The following TBC1D22A variants were observed in gnomAD, a reference collection of about 807,000 sequenced individuals.
TBC1D22A encodes the protein putative GTPase activator.
In TBC1D22A, 38 loss-of-function variants were observed where a neutral mutation model predicts 60.2. The ratio of observed to expected loss-of-function variants is 0.63; its 90% CI spans 0.49 to 0.83. The LOEUF (loss-of-function observed/expected upper bound fraction) is 0.83. TBC1D22A is among the 40% of genes least tolerant of loss of function. The pLI, the probability that TBC1D22A is intolerant of heterozygous loss-of-function variation, is 0.00. For synonymous variants in TBC1D22A, 302 were observed against 281.7 expected (o/e 1.07, Z -0.72); for missense variants, 628 against 701.0 (o/e 0.90, Z 1.18).
intron 11 of TBC1D22A, among the ~76,000 whole-genome samples, chr22:47,084,757 T>C (rs2064609781): frequency 2.0e-5 from 3 of 152,146 alleles, no homozygotes; most frequent in Admixed American, 2.0e-4. Flanking sequence ...CTTATCTTTA[T>C]CTAAAATTCA....
intron 12 of TBC1D22A, among the ~76,000 whole-genome samples, chr22:47,124,553 G>A (rs150215634): frequency 8.5e-5 from 13 of 152,338 alleles, no homozygotes; most frequent in Admixed American, 2.0e-4. Flanking sequence ...CTCTGTGCAC[G>A]TCATTTTCGG....
intron 12 of TBC1D22A, among the ~76,000 whole-genome samples, chr22:47,121,558 A>G (rs917565574): frequency 3.9e-5 from 6 of 152,234 alleles, no homozygotes; most frequent in African/African-American, 1.4e-4. Context: ...CTGAAATTGT[A>G]TATATCGACA....
chr22:47,098,562 C>T (rs771362282), intron 11 of TBC1D22A, among the ~76,000 whole-genome samples: 12 of 152,134 alleles, frequency 7.9e-5, no homozygotes, highest in Admixed American at 1.3e-4. Flanking sequence ...GGCATCCCCC[C>T]GACTCCATGT....
rs370319262 is a variant in TBC1D22A, at chr22:46,883,268, G to A, written c.708+4545G>A. 5.3e-5 allele frequency among the ~76,000 whole-genome samples: 8 copies of A among 152,280 alleles called. No individual in the cohort carries two copies. In the South Asian group the frequency reaches 1.7e-3, roughly 32 times the overall value. On this transcript the variant is annotated intron_variant, in intron 5 of 12. Coordinates refer to ENST00000337137, the MANE Select transcript of TBC1D22A (RefSeq NM_014346.5). ...AGTGGGAGGGAACAATTTGATTTTT[G>A]TGTCACCGGGACAATTTAGATATAA...
chr22:46,792,397 C>A, intron 1 of TBC1D22A, 123 bp from the exon 2 acceptor site: 2 of 1,354,976 alleles, frequency 1.5e-6, no homozygotes, highest in Non-Finnish European at 2.1e-6. Context: ...CTGCGACAGC[C>A]CATGAGGAGC....
chr22:46,806,930 G>T (rs2085168518), intron 4 of TBC1D22A, among the ~76,000 whole-genome samples: 1 of 152,246 alleles, frequency 6.6e-6, no homozygotes, highest in Non-Finnish European at 1.5e-5. Flanking sequence ...TCTTCACAGG[G>T]CTGGCCGAGC....
At chr22:47,140,068 C>T (rs1381616134) in intron 12 of TBC1D22A, among the ~76,000 whole-genome samples, 2 of 152,312 alleles carry the variant, frequency 1.3e-5, no homozygotes, top group African/African-American at 4.8e-5. Flanking sequence ...ACTGGTGACA[C>T]CCACAGTGAA....
intron 11 of TBC1D22A, among the ~76,000 whole-genome samples, chr22:47,042,861 C>T (rs1745794789): frequency 6.6e-6 from 1 of 152,254 alleles, no homozygotes; most frequent in African/African-American, 2.4e-5. Flanking sequence ...ATTTTATTTT[C>T]TTCAGCATGG....
chr22:47,007,702 T>C (rs6008019), intron 10 of TBC1D22A, among the ~76,000 whole-genome samples: 5 of 148,626 alleles, frequency 3.4e-5, no homozygotes, highest in Admixed American at 6.7e-5. Context: ...GTAGCGGTGG[T>C]GGGGAGGGGT....
At chr22:47,002,181 A>C (rs1338858457) in intron 10 of TBC1D22A, among the ~76,000 whole-genome samples, 1 of 152,278 alleles carries the variant, frequency 6.6e-6, no homozygotes, top group Non-Finnish European at 1.5e-5. Context: ...GCACACGATG[A>C]GATTTCCACT....
At chr22:47,099,907 A>C (rs1034915802) in intron 11 of TBC1D22A, among the ~76,000 whole-genome samples, 1 of 152,094 alleles carries the variant, frequency 6.6e-6, no homozygotes, top group African/African-American at 2.4e-5. Context: ...TGACCTTCAG[A>C]GCCCTTCCAG....
At chr22:46,901,458 G>C (rs1470156346) in intron 7 of TBC1D22A, among the ~76,000 whole-genome samples, 3 of 152,220 alleles carry the variant, frequency 2.0e-5, no homozygotes, top group Non-Finnish European at 4.4e-5. Flanking sequence ...TAAGACACCT[G>C]ACGTGGGCAC....
intron 8 of TBC1D22A, among the ~76,000 whole-genome samples, chr22:46,916,925 C>T (rs1466004989): frequency 1.3e-5 from 2 of 152,170 alleles, no homozygotes; most frequent in Non-Finnish European, 2.9e-5. Flanking sequence ...TTTCGCAGCT[C>T]ATAAATTTCA....
chr22:46,898,209 G>A (rs1004169739), intron 7 of TBC1D22A, among the ~76,000 whole-genome samples: 3 of 152,228 alleles, frequency 2.0e-5, no homozygotes, highest in Admixed American at 6.5e-5. Context: ...GTCTCAGAGT[G>A]TGGACCCTGA....
intron 9 of TBC1D22A, among the ~76,000 whole-genome samples, chr22:46,991,192 G>A (rs1038144246): frequency 1.3e-5 from 2 of 152,174 alleles, no homozygotes; most frequent in African/African-American, 4.8e-5. Flanking sequence ...AAATGAACCT[G>A]GCAGGTAGGA....
At chr22:46,813,624 G>A (rs918219592) in intron 4 of TBC1D22A, among the ~76,000 whole-genome samples, 1 of 152,218 alleles carries the variant, frequency 6.6e-6, no homozygotes, top group South Asian at 2.1e-4. Context: ...GAGATCTGCC[G>A]CAGATAATAC....
Position 47,094,310 on chromosome 22 carries a change from G to T in TBC1D22A, c.1330-17198G>T, listed in dbSNP as rs114844056. 7.3e-3 allele frequency among the ~76,000 whole-genome samples: 1,113 copies of T among 152,320 alleles called. 14 individuals carry two copies. The highest frequency in any genetic ancestry group is 0.025 in the African/African-American group (1,034 of 41,572). On this transcript the variant is annotated intron_variant, in intron 11 of 12. Coordinates refer to ENST00000337137, the MANE Select transcript of TBC1D22A (RefSeq NM_014346.5). The stretch of plus-strand genomic sequence containing the variant: ...AAATGGTCTGTGGGACGATTGGGTG[G>T]GTTTCAAGGCTAACATTTAAGTCAG...
At chr22:46,948,388 C>A (rs1469715497) in intron 8 of TBC1D22A, among the ~76,000 whole-genome samples, 2 of 152,230 alleles carry the variant, frequency 1.3e-5, no homozygotes, top group African/African-American at 4.8e-5. Context: ...TATACAGGGT[C>A]ATGCCTTTGT....
chr22:46,807,531 C>T (rs2085200606), intron 4 of TBC1D22A, among the ~76,000 whole-genome samples: 1 of 152,194 alleles, frequency 6.6e-6, no homozygotes, highest in South Asian at 2.1e-4. Context: ...CACGCTGGCA[C>T]TACTTGGCAC....
Sources: gnomAD v4.1 joint callset for allele counts (sites outside exome capture counted in the v4.1 genomes callset) on GRCh38, gnomAD v4.1.1 for gene constraint, MANE v1.5 for transcripts, NCBI Gene and HGNC (gene_info 2026-07-23, HGNC 2026-07-21) for gene names.